The following EFNA5 variants were observed in gnomAD, a reference collection of about 807,000 sequenced individuals.
EFNA5 encodes the protein ephrin A5, also known as ephrin-A5.
Under a neutral mutation model 22.9 loss-of-function variants are expected in EFNA5, and 5 were observed. That is an observed-to-expected ratio of 0.22 (90% CI 0.11 to 0.46). The LOEUF (loss-of-function observed/expected upper bound fraction) is 0.46. Ranked by LOEUF, EFNA5 falls within the 20% of genes least tolerant of loss-of-function variation. EFNA5 has a pLI of 0.99. For synonymous variants in EFNA5, 113 were observed against 112.2 expected, an observed-to-expected ratio of 1.01 and a Z score of -0.04; for missense variants, 237 against 293.3, an observed-to-expected ratio of 0.81 and a Z score of 1.40.
intron 1 of EFNA5, among the ~76,000 whole-genome samples, chr5:107,615,008 G>C (rs568511703): frequency 6.6e-6 from 1 of 151,976 alleles, no homozygotes; most frequent in Non-Finnish European, 1.5e-5. Flanking sequence ...CAAATGTTTT[G>C]ATGTTGGAAA....
rs201439278 is a variant in EFNA5 at position 107,512,367 on chromosome 5, C to T, written c.126-84858G>A. 1.4e-4 allele frequency among the ~76,000 whole-genome samples: 4 copies of T among 27,944 alleles called. No homozygotes were observed. The African/African-American group carries it at 2.1e-3, about 15-fold the overall frequency. 18.3% of individuals were successfully genotyped at this position (27,944 alleles called of 152,430 possible). A position where few individuals can be genotyped will look rare whatever the true frequency, so the allele number is the denominator to read the frequency against. On this transcript the variant is annotated intron_variant, in intron 1 of 4. Transcript: ENST00000333274. Reference sequence around the variant, plus strand: ...GAGGGGCAAAACAAAACAAACAAAACAACAACAACAACAACAACAACAAAA... The same window carrying T: ...GAGGGGCAAAACAAAACAAACAAAATAACAACAACAACAACAACAACAAAA...
intron 1 of EFNA5, among the ~76,000 whole-genome samples, chr5:107,663,830 G>A (rs1375300946): frequency 2.0e-5 from 3 of 152,026 alleles, no homozygotes; most frequent in African/African-American, 4.8e-5. Context: ...TCATTCAAAC[G>A]TATTTTTATT....
intron 1 of EFNA5, among the ~76,000 whole-genome samples, chr5:107,637,652 TATAC>T (rs1409790213): frequency 6.7e-6 from 1 of 149,716 alleles, no homozygotes; most frequent in Non-Finnish European, 1.5e-5. Flanking sequence ...TGTGTGTATA[TATAC>T]ATAAACTGAT....
At chr5:107,544,088 T>C (rs1458951651) in intron 1 of EFNA5, among the ~76,000 whole-genome samples, 2 of 152,110 alleles carry the variant, frequency 1.3e-5, no homozygotes, top group East Asian at 3.9e-4. Flanking sequence ...TTTGGGGTAA[T>C]CTAAACCTTG....
chr5:107,635,365 C>T (rs568290794), intron 1 of EFNA5, among the ~76,000 whole-genome samples: 2 of 152,302 alleles, frequency 1.3e-5, no homozygotes, highest in Non-Finnish European at 2.9e-5. Context: ...TCTCACATAA[C>T]GGGTTCCTGG....
chr5:107,533,806 C>T (rs902148009), intron 1 of EFNA5, among the ~76,000 whole-genome samples: 8 of 152,174 alleles, frequency 5.3e-5, no homozygotes, highest in African/African-American at 1.7e-4. Flanking sequence ...CGGAGCTAGA[C>T]GGCTTCTTTA....
At chr5:107,452,447 G>C (rs1468244298) in intron 1 of EFNA5, among the ~76,000 whole-genome samples, 1 of 152,106 alleles carries the variant, frequency 6.6e-6, no homozygotes, top group East Asian at 1.9e-4. Flanking sequence ...TTATAGGCTG[G>C]GCACAATGGC....
intron 1 of EFNA5, among the ~76,000 whole-genome samples, chr5:107,611,462 T>A (rs1237760728): frequency 6.6e-6 from 1 of 152,222 alleles, no homozygotes; most frequent in Non-Finnish European, 1.5e-5. Flanking sequence ...AGTCTTGCCT[T>A]AGCGTATTCC....
intron 1 of EFNA5, among the ~76,000 whole-genome samples, chr5:107,605,380 A>T (rs1025386204): frequency 3.3e-5 from 5 of 152,028 alleles, no homozygotes; most frequent in African/African-American, 1.2e-4. Context: ...TTATTTGAAA[A>T]TTTTTTGCAA....
At chr5:107,569,184 T>G (rs1332467181) in intron 1 of EFNA5, among the ~76,000 whole-genome samples, 1 of 151,774 alleles carries the variant, frequency 6.6e-6, no homozygotes, top group Non-Finnish European at 1.5e-5. Flanking sequence ...TGGGGGTGAA[T>G]GTTCACCTTC....
At chr5:107,553,240 C>A (rs1748337452) in intron 1 of EFNA5, among the ~76,000 whole-genome samples, 1 of 152,216 alleles carries the variant, frequency 6.6e-6, no homozygotes, top group African/African-American at 2.4e-5. Flanking sequence ...CCATGACTAA[C>A]AATGGGACGA....
rs1182761200 is a variant in EFNA5 at position 107,661,413 on chromosome 5, G to C, written c.125+9076C>G. On this transcript the variant is annotated intron_variant, in intron 1 of 4. Transcript: ENST00000333274. Reference sequence around the variant, plus strand: ...CTTTGGAGGTCTGCAAATAGCTACAGAATCAGTTTCAAGATCTCCATCTCA... The same window carrying C: ...CTTTGGAGGTCTGCAAATAGCTACACAATCAGTTTCAAGATCTCCATCTCA... Among the ~76,000 whole-genome samples, 3 of 152,222 alleles carry C rather than the reference G, an allele frequency of 2.0e-5. No individual in the cohort carries two copies. In the East Asian group the frequency reaches 5.8e-4, roughly 29 times the overall value.
intron 1 of EFNA5, among the ~76,000 whole-genome samples, chr5:107,666,788 A>G (rs1751084731): frequency 6.6e-6 from 1 of 152,152 alleles, no homozygotes; most frequent in East Asian, 1.9e-4. Context: ...ATAATCCAAG[A>G]AGAACTTAGA....
At chr5:107,511,293 TG>T (rs1378898196) in intron 1 of EFNA5, among the ~76,000 whole-genome samples, 1 of 152,144 alleles carries the variant, frequency 6.6e-6, no homozygotes, top group Non-Finnish European at 1.5e-5. Flanking sequence ...CCCAAAGTGC[TG>T]GGATTACAAG....
intron 1 of EFNA5, among the ~76,000 whole-genome samples, chr5:107,510,298 T>C (rs1483593951): frequency 2.0e-5 from 3 of 152,188 alleles, no homozygotes; most frequent in Non-Finnish European, 2.9e-5. Context: ...TTACCCTACA[T>C]GGTCTGAAAT....
chr5:107,446,609 CT>C (rs781165076), intron 1 of EFNA5, among the ~76,000 whole-genome samples: 10 of 152,142 alleles, frequency 6.6e-5, no homozygotes, highest in Non-Finnish European at 1.5e-4. Context: ...AAAAAATTAG[CT>C]GGGCATGGTG....
intron 1 of EFNA5, among the ~76,000 whole-genome samples, chr5:107,491,813 T>C (rs932741332): frequency 1.3e-5 from 2 of 152,200 alleles, no homozygotes; most frequent in Admixed American, 6.5e-5. Context: ...ATATGTATTA[T>C]ACATTCAAAT....
At chr5:107,564,549 G>C (rs773529576) in intron 1 of EFNA5, among the ~76,000 whole-genome samples, 6 of 151,460 alleles carry the variant, frequency 4.0e-5, no homozygotes, top group Non-Finnish European at 8.8e-5. Flanking sequence ...CCCAACAAAT[G>C]TTTGTCAAGT....
intron 1 of EFNA5, among the ~76,000 whole-genome samples, chr5:107,669,248 G>A (rs1465792600): frequency 6.6e-6 from 1 of 151,820 alleles, no homozygotes; most frequent in Admixed American, 6.6e-5. Context: ...TGGAGCCCGG[G>A]GCGCGCACCA....
Sources: allele counts gnomAD v4.1 joint callset (sites outside exome capture counted in the v4.1 genomes callset), GRCh38; gene constraint gnomAD v4.1.1; transcripts MANE v1.5; gene names NCBI Gene and HGNC (gene_info 2026-07-23, HGNC 2026-07-21).